Variants in TRERF1 observed in about 807,000 individuals in gnomAD.
TRERF1 encodes transcriptional regulating factor 1.
TRERF1 carries 27 observed loss-of-function variants against 122.9 expected under a neutral mutation model. That is an observed-to-expected ratio of 0.22 (90% CI 0.16 to 0.30). The LOEUF (loss-of-function observed/expected upper bound fraction) is 0.30. Ranked by LOEUF, TRERF1 falls within the 10% of genes least tolerant of loss-of-function variation. The probability of loss-of-function intolerance (pLI) is 1.00; values close to 1 mark genes in which losing one functional copy is unlikely to be tolerated. For missense variants in TRERF1, 1,248 were observed against 1,560.3 expected (o/e 0.80, Z 3.37); for synonymous variants, 636 against 641.7 (o/e 0.99, Z 0.13).
intron 2 of TRERF1, among the ~76,000 whole-genome samples, chr6:42,383,418 C>G (rs1776284832): frequency 6.6e-6 from 1 of 152,076 alleles, no homozygotes; most frequent in Non-Finnish European, 1.5e-5. Flanking sequence ...TGGATACCCC[C>G]TAACACCCCC....
At chr6:42,272,452 C>T (rs910066429) in intron 4 of TRERF1, among the ~76,000 whole-genome samples, 1 of 152,192 alleles carries the variant, frequency 6.6e-6, no homozygotes, top group Admixed American at 6.5e-5. Context: ...ATGAACCTCG[C>T]TGCTCAAAGG....
At chr6:42,430,632 A>C (rs975119497) in intron 2 of TRERF1, among the ~76,000 whole-genome samples, 1 of 152,096 alleles carries the variant, frequency 6.6e-6, no homozygotes, top group East Asian at 1.9e-4. Flanking sequence ...GCGGTGGCTC[A>C]TGCCTGTAAT....
rs112204832 is a variant in TRERF1, at chr6:42,331,723, G to T, written c.-370-30974C>A. Among the ~76,000 whole-genome samples the T allele has an allele frequency of 4.1e-4, 63 of 152,274 alleles. 1 individual carries two copies. The highest frequency in any genetic ancestry group is 1.4e-3 in the African/African-American group (59 of 41,556). On this transcript the variant is annotated intron_variant, in intron 3 of 17. Transcript: ENST00000372922. ...TGAGCCACAGGGCTGGGTGCTGGGT[G>T]CTGTTCCTTCTAGCTCTGACATTCC...
At chr6:42,241,319 T>G (rs1209708660) in intron 15 of TRERF1, among the ~76,000 whole-genome samples, 2 of 152,206 alleles carry the variant, frequency 1.3e-5, no homozygotes, top group Non-Finnish European at 2.9e-5. Flanking sequence ...CATCTCTGAT[T>G]GAAAAAAATA....
At chr6:42,381,497 G>A (rs753621288) in intron 2 of TRERF1, among the ~76,000 whole-genome samples, 1 of 152,022 alleles carries the variant, frequency 6.6e-6, no homozygotes, top group African/African-American at 2.4e-5. Flanking sequence ...TAGTAAGGCT[G>A]TTTATAGGGT....
intron 4 of TRERF1, among the ~76,000 whole-genome samples, chr6:42,286,157 C>T (rs1234029699): frequency 2.0e-5 from 3 of 147,830 alleles, no homozygotes; most frequent in African/African-American, 7.5e-5. Flanking sequence ...GGATTAAAGA[C>T]TTAAACGTTA....
intron 2 of TRERF1, among the ~76,000 whole-genome samples, chr6:42,388,226 T>C (rs1283577374): frequency 8.3e-6 from 1 of 120,112 alleles, no homozygotes; most frequent in African/African-American, 3.9e-5. Flanking sequence ...ATTTCTTTCT[T>C]TTTTTTTTTT....
At chr6:42,327,732 A>G (rs927590484) in intron 3 of TRERF1, among the ~76,000 whole-genome samples, 2 of 152,174 alleles carry the variant, frequency 1.3e-5, no homozygotes, top group African/African-American at 4.8e-5. Flanking sequence ...ACCAAGTAAG[A>G]TAAGAGGAGA....
chr6:42,408,355 G>GTGTA lies in TRERF1; in HGVS notation c.-454+42821_-454+42822insTACA, dbSNP rs1439310762. ...TATATACATACACGTGTGTGTGTGTGTATATATATATATATATCTTTTTTT... is the reference window on the plus strand; with the variant it reads ...TATATACATACACGTGTGTGTGTGTGTGTATATATATATATATATATCTTTTTTT... On this transcript the variant is annotated intron_variant, in intron 2 of 17. Coordinates refer to ENST00000372922, the Ensembl canonical transcript of TRERF1. 6.8e-5 allele frequency among the ~76,000 whole-genome samples: 7 copies of GTGTA among 102,472 alleles called. No homozygotes were observed. The East Asian group carries it at 1.0e-3, about 15-fold the overall frequency. 67.2% of individuals were successfully genotyped at this position (102,472 alleles called of 152,430 possible). A position where few individuals can be genotyped will look rare whatever the true frequency, so the allele number is the denominator to read the frequency against.
intron 2 of TRERF1, among the ~76,000 whole-genome samples, chr6:42,446,204 G>A (rs558357029): frequency 4.5e-4 from 68 of 152,176 alleles, no homozygotes; most frequent in African/African-American, 1.4e-3. Context: ...GTGAGCCACC[G>A]TGCCCAGTCC....
At chr6:42,325,614 C>T (rs976334028) in intron 3 of TRERF1, among the ~76,000 whole-genome samples, 1 of 152,166 alleles carries the variant, frequency 6.6e-6, no homozygotes, top group Non-Finnish European at 1.5e-5. Context: ...TGACTCACAC[C>T]TGTAATCCCA....
At position 42,393,917 on chromosome 6, in the gene TRERF1, A is replaced by G. The variant is rs260278; in HGVS notation, c.-453-30838T>C. ...AAACTCTCCAATGTATATATGCAGG[A>G]AAAAAAAAAAAAAAAAGACTGGGAT... On this transcript the variant is annotated intron_variant, in intron 2 of 17. Coordinates refer to ENST00000372922, the Ensembl canonical transcript of TRERF1. The surrounding 1 kb of genome is among the most constrained non-coding windows in gnomAD (Gnocchi z 4.1). 2.6e-3 allele frequency among the ~76,000 whole-genome samples: 288 copies of G among 111,930 alleles called. 2 individuals are homozygous for G. The highest frequency in any genetic ancestry group is 0.011 in the African/African-American group (281 of 25,110). The allele number at this position is 111,930 out of a possible 152,430, so 73.4% of individuals were successfully genotyped here.
chr6:42,392,309 C>G (rs778556398), intron 2 of TRERF1, among the ~76,000 whole-genome samples: 1 of 152,106 alleles, frequency 6.6e-6, no homozygotes, highest in African/African-American at 2.4e-5. Context: ...CTTTAAGTTT[C>G]CTTATTTATA....
intron 2 of TRERF1, among the ~76,000 whole-genome samples, chr6:42,398,502 AC>A (rs958109742): frequency 7.9e-5 from 12 of 151,588 alleles, no homozygotes; most frequent in South Asian, 2.1e-4. Flanking sequence ...ACAAAAATTA[AC>A]CCCCCGCTTC....
At chr6:42,386,429 C>T (rs1228555576) in intron 2 of TRERF1, among the ~76,000 whole-genome samples, 2 of 151,822 alleles carry the variant, frequency 1.3e-5, no homozygotes, top group Non-Finnish European at 1.5e-5. Context: ...GGCGACATAG[C>T]GAGACCCTGT....
intron 2 of TRERF1, among the ~76,000 whole-genome samples, chr6:42,372,491 G>A (rs1288478130): frequency 6.6e-6 from 1 of 152,016 alleles, no homozygotes; most frequent in Non-Finnish European, 1.5e-5. Context: ...CCAGTCTCTG[G>A]GTGCTGTATC....
At chr6:42,442,150 C>T (rs1786639083) in intron 2 of TRERF1, among the ~76,000 whole-genome samples, 2 of 152,074 alleles carry the variant, frequency 1.3e-5, no homozygotes. Flanking sequence ...TTACTGGTGT[C>T]CTTCAGTTGA....
intron 4 of TRERF1, among the ~76,000 whole-genome samples, chr6:42,296,847 G>A (rs1470372824): frequency 6.6e-6 from 1 of 152,198 alleles, no homozygotes; most frequent in Non-Finnish European, 1.5e-5. Context: ...GAGACTTTTT[G>A]CAGAATGGGA....
At chr6:42,307,660 T>C (rs1207547527) in intron 3 of TRERF1, among the ~76,000 whole-genome samples, 2 of 149,632 alleles carry the variant, frequency 1.3e-5, no homozygotes, top group Non-Finnish European at 3.0e-5. Context: ...TACTCAGTTG[T>C]GCTTACTAAA....
Sources: allele counts gnomAD v4.1 joint callset (sites outside exome capture counted in the v4.1 genomes callset), GRCh38; gene constraint gnomAD v4.1.1; non-coding constraint Gnocchi (gnomAD v3.1); transcripts MANE v1.5; gene names NCBI Gene and HGNC (gene_info 2026-07-23, HGNC 2026-07-21).